The following ENOX1 variants were observed in gnomAD, a reference collection of about 807,000 sequenced individuals.
ENOX1 encodes the protein ecto-NOX disulfide-thiol exchanger 1.
Under a neutral mutation model 82.5 loss-of-function variants are expected in ENOX1, and 42 were observed. The observed-to-expected ratio is 0.51, with a 90% confidence interval of 0.40 to 0.66. The LOEUF is 0.66. Among genes scored for constraint, ENOX1 ranks in the 30% least tolerant of loss-of-function variants. The pLI is 0.00. For synonymous variants in ENOX1, 271 were observed against 282.2 expected, an observed-to-expected ratio of 0.96 and a Z score of 0.40; for missense variants, 608 against 811.6, an observed-to-expected ratio of 0.75 and a Z score of 3.05.
At chr13:43,761,246 T>C (rs1285226394) in intron 1 of ENOX1, among the ~76,000 whole-genome samples, 1 of 152,154 alleles carries the variant, frequency 6.6e-6, no homozygotes, top group Non-Finnish European at 1.5e-5. Flanking sequence ...TCCTCAGCAC[T>C]AAAACCAGTG....
At chr13:43,672,520 CT>C in intron 1 of ENOX1, among the ~76,000 whole-genome samples, 1 of 152,198 alleles carries the variant, frequency 6.6e-6, no homozygotes, top group Non-Finnish European at 1.5e-5. Context: ...AATTTGTATG[CT>C]TTTCTCTTTT....
chr13:43,236,151 T>C (rs2042539336), intron 15 of ENOX1, among the ~76,000 whole-genome samples: 1 of 152,224 alleles, frequency 6.6e-6, no homozygotes, highest in South Asian at 2.1e-4. Flanking sequence ...CCGATTGTCC[T>C]GGATTAGCCT....
intron 2 of ENOX1, chr13:43,545,766 T>G (rs1329022084): frequency 1.3e-5 from 2 of 152,246 alleles, no homozygotes; most frequent in African/African-American, 4.8e-5. Flanking sequence ...GCTATTTATG[T>G]CAGAAAGATG....
chr13:43,530,940 T>C (rs1311167100), intron 2 of ENOX1, among the ~76,000 whole-genome samples: 1 of 152,078 alleles, frequency 6.6e-6, no homozygotes, highest in East Asian at 1.9e-4. Flanking sequence ...GTAATTTATA[T>C]ATAATTAGAA....
At chr13:43,670,740 G>A (rs9562504) in intron 1 of ENOX1, among the ~76,000 whole-genome samples, 58,485 of 151,810 alleles carry the variant, frequency 0.39, 14,219 homozygotes, top group Non-Finnish European at 0.55. Context: ...CTACTCAGGA[G>A]GCTGAGGCAG....
At chr13:43,457,113 G>T (rs1326873934) in intron 3 of ENOX1, among the ~76,000 whole-genome samples, 1 of 152,134 alleles carries the variant, frequency 6.6e-6, no homozygotes, top group Non-Finnish European at 1.5e-5. Flanking sequence ...TAATTTTAGT[G>T]AGATTTCTGG....
intron 11 of ENOX1, among the ~76,000 whole-genome samples, chr13:43,310,018 A>T (rs971230958): frequency 6.6e-6 from 1 of 152,028 alleles, no homozygotes; most frequent in Non-Finnish European, 1.5e-5. Flanking sequence ...CCTGGCTAAT[A>T]CAGTGAGACC....
At chr13:43,679,597 C>G (rs2085684492) in intron 1 of ENOX1, among the ~76,000 whole-genome samples, 1 of 152,144 alleles carries the variant, frequency 6.6e-6, no homozygotes, top group Non-Finnish European at 1.5e-5. Context: ...TAACCCATGG[C>G]TAGGCCCTTT....
intron 3 of ENOX1, among the ~76,000 whole-genome samples, chr13:43,473,517 A>G (rs2058156865): frequency 6.6e-6 from 1 of 152,182 alleles, no homozygotes; most frequent in Non-Finnish European, 1.5e-5. Context: ...TATTTATTCA[A>G]GTGTTGTCCA....
chr13:43,648,314 G>A (rs939743556), intron 2 of ENOX1, among the ~76,000 whole-genome samples: 3 of 152,124 alleles, frequency 2.0e-5, no homozygotes, highest in Non-Finnish European at 4.4e-5. Context: ...TGTTCTTTGG[G>A]CTACAGAAAA....
intron 11 of ENOX1, among the ~76,000 whole-genome samples, chr13:43,302,361 A>G (rs1433203712): frequency 6.6e-5 from 10 of 152,208 alleles, no homozygotes; most frequent in Admixed American, 6.5e-4. Flanking sequence ...CCAGCCACCC[A>G]TTTATGTATT....
chr13:43,404,651 T>C (rs1440642158), intron 5 of ENOX1, among the ~76,000 whole-genome samples: 1 of 152,230 alleles, frequency 6.6e-6, no homozygotes, highest in East Asian at 1.9e-4. Flanking sequence ...TCTTTAGAGA[T>C]ACGTGTTCTC....
At chr13:43,571,086 C>T (rs1295212582) in intron 2 of ENOX1, among the ~76,000 whole-genome samples, 1 of 152,164 alleles carries the variant, frequency 6.6e-6, no homozygotes, top group Non-Finnish European at 1.5e-5. Context: ...AGCTCATTAT[C>T]TTCCTCCCTT....
intron 3 of ENOX1, among the ~76,000 whole-genome samples, chr13:43,438,960 G>T (rs759517108): frequency 7.9e-5 from 12 of 151,906 alleles, no homozygotes; most frequent in Admixed American, 2.6e-4. Context: ...AATTTTTGAA[G>T]AAGCAGCTGG....
At chr13:43,494,594 TAAAC>T (rs1370096796) in intron 2 of ENOX1, among the ~76,000 whole-genome samples, 1 of 152,116 alleles carries the variant, frequency 6.6e-6, no homozygotes, top group African/African-American at 2.4e-5. Flanking sequence ...TTCACAATAA[TAAAC>T]AAAATAGTAG....
intron 5 of ENOX1, among the ~76,000 whole-genome samples, chr13:43,411,446 G>A (rs967982480): frequency 1.2e-4 from 18 of 152,182 alleles, no homozygotes; most frequent in African/African-American, 4.3e-4. Context: ...AGTGTCAGCT[G>A]AGCTGAGTTT....
chr13:43,338,739 G>A (rs1056728845), intron 9 of ENOX1, among the ~76,000 whole-genome samples: 1 of 133,926 alleles, frequency 7.5e-6, no homozygotes, highest in Non-Finnish European at 1.5e-5. Context: ...AGGCTGGAGT[G>A]CAGTGGCGCC....
intron 2 of ENOX1, among the ~76,000 whole-genome samples, chr13:43,548,857 C>T (rs1323597550): frequency 6.6e-6 from 1 of 152,152 alleles, no homozygotes; most frequent in Non-Finnish European, 1.5e-5. Context: ...CAATCAAAAG[C>T]CTATCAAAAC....
At chr13:43,774,516 C>A (rs1951810919) in intron 1 of ENOX1, among the ~76,000 whole-genome samples, 1 of 152,084 alleles carries the variant, frequency 6.6e-6, no homozygotes, top group Admixed American at 6.5e-5. Flanking sequence ...TAACTAGAAC[C>A]CTAATTTGTC....
Sources: allele counts gnomAD v4.1 joint callset (sites outside exome capture counted in the v4.1 genomes callset), GRCh38; gene constraint gnomAD v4.1.1; transcripts MANE v1.5; gene names NCBI Gene and HGNC (gene_info 2026-07-23, HGNC 2026-07-21).